Variants in LRRC9 observed in about 807,000 individuals in gnomAD.
LRRC9 encodes the protein leucine-rich repeat-containing protein 9.
In LRRC9, 122 loss-of-function variants were observed where a neutral mutation model predicts 63.2. The ratio of observed to expected loss-of-function variants is 1.93; its 90% confidence interval spans 1.67 to 2.24. LRRC9 has a LOEUF of 2.24. Ranked by LOEUF, LRRC9 falls within the 30% of genes most tolerant of loss-of-function variation. LRRC9 has a pLI of 0.00. For synonymous variants in LRRC9, 366 were observed against 213.1 expected, an observed-to-expected ratio of 1.72 and a Z score of -6.25; for missense variants, 1,071 against 627.7, an observed-to-expected ratio of 1.71 and a Z score of -7.55.
rs377635438 is a variant in LRRC9 at position 59,939,042 on chromosome 14, T to C, written c.726+470T>C. On this transcript the variant is annotated intron_variant, in intron 7 of 31. Transcript: ENST00000445360. ...ATATATATACATATATACACATATA[T>C]ACATATATACACATATATATACGTA... Among the ~76,000 whole-genome samples, 124 of 147,736 alleles carry C rather than the reference T, an allele frequency of 8.4e-4. No individual in the cohort carries two copies. The East Asian group carries it at 0.013, about 16-fold the overall frequency.
chr14:59,997,240 AT>A (rs1427737017), intron 17 of LRRC9, among the ~76,000 whole-genome samples: 2 of 152,108 alleles, frequency 1.3e-5, no homozygotes, highest in Non-Finnish European at 2.9e-5. Flanking sequence ...TAAAAAGAAA[AT>A]TATTAGTATT....
chr14:59,922,533 A>T lies in LRRC9; in HGVS notation c.-34+2650A>T, dbSNP rs1002445491. Reference sequence around the variant, plus strand: ...AATTTGGCAATAAATGAAAGAGGAAAATTTGACAGCAGTATTCTGAAAGAG... The same window carrying T: ...AATTTGGCAATAAATGAAAGAGGAATATTTGACAGCAGTATTCTGAAAGAG... On this transcript the variant is annotated intron_variant, in intron 1 of 31. Coordinates refer to ENST00000445360, the Ensembl canonical transcript of LRRC9. This position sits in a 1 kb window ranked among gnomAD's most constrained non-coding sequence, Gnocchi z 5.3. Among the ~76,000 whole-genome samples, 3 of 152,206 alleles carry T rather than the reference A, an allele frequency of 2.0e-5. No individual in the cohort carries two copies. The highest frequency in any genetic ancestry group is 4.4e-5 in the Non-Finnish European group (3 of 68,032).
At chr14:59,931,374 C>A (rs1889689274) in intron 4 of LRRC9, among the ~76,000 whole-genome samples, 1 of 151,992 alleles carries the variant, frequency 6.6e-6, no homozygotes. Context: ...GTGATGTATT[C>A]TTTTTCCTCC....
At chr14:60,018,754 T>G (rs1890892574) in intron 25 of LRRC9, among the ~76,000 whole-genome samples, 1 of 151,956 alleles carries the variant, frequency 6.6e-6, no homozygotes, top group Non-Finnish European at 1.5e-5. Context: ...AGCTTCAAGG[T>G]TCTTTAAACG....
chr14:59,946,739 G>A (rs1391435329), intron 8 of LRRC9, among the ~76,000 whole-genome samples: 3 of 146,710 alleles, frequency 2.0e-5, no homozygotes, highest in Non-Finnish European at 4.5e-5. Context: ...TCCCACCTAT[G>A]AGTGAGAATA....
rs138700919 is a variant in LRRC9 at position 60,026,337 on chromosome 14, G to T, written c.3704-1547G>T. On this transcript the variant is annotated intron_variant, in intron 27 of 31. Coordinates refer to ENST00000445360, the Ensembl canonical transcript of LRRC9. ...ACTGGGGTGAGATGATATCTCATTT[G>T]TATTTCCCTTATGATTAGTAATGCT... Among the ~76,000 whole-genome samples the T allele has an allele frequency of 5.2e-3, 798 of 152,142 alleles. 6 individuals are homozygous for T. Among genetic ancestry groups the T allele is most frequent in the African/African-American group, 0.018 (761 of 41,534 alleles).
intron 17 of LRRC9, among the ~76,000 whole-genome samples, chr14:59,987,538 G>A (rs541414796): frequency 2.7e-5 from 4 of 150,260 alleles, no homozygotes; most frequent in African/African-American, 9.7e-5. Context: ...TGAGCCATTC[G>A]ACCCAAAGAG....
intron 17 of LRRC9, among the ~76,000 whole-genome samples, chr14:59,994,564 A>G (rs1278230075): frequency 6.6e-6 from 1 of 152,214 alleles, no homozygotes; most frequent in East Asian, 1.9e-4. Flanking sequence ...ATGCACACAT[A>G]TGTTTATTGC....
At chr14:60,056,310 T>C (rs893237133) in intron 30 of LRRC9, among the ~76,000 whole-genome samples, 4 of 152,146 alleles carry the variant, frequency 2.6e-5, no homozygotes, top group Non-Finnish European at 5.9e-5. Context: ...ATAAATTCTG[T>C]TTTAAGGTAA....
chr14:60,021,421 T>C (rs1047429221), intron 26 of LRRC9, among the ~76,000 whole-genome samples: 1 of 151,866 alleles, frequency 6.6e-6, no homozygotes, highest in African/African-American at 2.4e-5. Context: ...TTTACAGATA[T>C]TGTCTCTCAA....
At position 59,927,446 on chromosome 14, in the gene LRRC9, C is replaced by T. The variant is rs570656170; in HGVS notation, c.-33-465C>T. 1.3e-5 allele frequency among the ~76,000 whole-genome samples: 2 copies of T among 151,992 alleles called. No homozygotes were observed. The highest frequency in any genetic ancestry group is 2.1e-4 in the South Asian group (1 of 4,810). On this transcript the variant is annotated intron_variant, in intron 1 of 31. Transcript: ENST00000445360. This position sits in a 1 kb window ranked among gnomAD's most constrained non-coding sequence, Gnocchi z 4.4. ...TACTATGCCAAAAATGTTGCTAAGC[C>T]CTAAGGATTCTTCTCTTTGCAGTCT...
In LRRC9 at chr14:59,961,052, C is replaced by T. The variant is rs553885938; in HGVS notation, c.1211+7C>T. On this transcript the variant is annotated splice_region_variant and intron_variant, in intron 10 of 31. Coordinates refer to ENST00000445360, the Ensembl canonical transcript of LRRC9. The stretch of plus-strand genomic sequence containing the variant: ...GCACTCGATCTGATGACTGGTAAAT[C>T]TGTTAGAAATTTAGTATAGCTTTAA... 3 of 643,026 alleles carry T rather than the reference C, an allele frequency of 4.7e-6. No homozygotes were observed. Among genetic ancestry groups the T allele is most frequent in the Admixed American group, 4.9e-5 (2 of 41,110 alleles). The allele number at this position is 643,026 out of a possible 1,614,324, so 39.8% of individuals were successfully genotyped here. A position where few individuals can be genotyped will look rare whatever the true frequency, so the allele number is the denominator to read the frequency against.
Position 59,942,056 on chromosome 14 carries a change from A to T in LRRC9, c.727-2533A>T, listed in dbSNP as rs1217795186. Among the ~76,000 whole-genome samples the T allele has an allele frequency of 6.6e-6, 1 of 152,140 alleles. No individual in the cohort carries two copies. The highest frequency in any genetic ancestry group is 1.5e-5 in the Non-Finnish European group (1 of 68,012). ...TTAGTTCTCATACGTGAGTGATAACATGCAGTCTTTATTTTTCTGTGCTTG... is the reference window on the plus strand; with the variant it reads ...TTAGTTCTCATACGTGAGTGATAACTTGCAGTCTTTATTTTTCTGTGCTTG... On this transcript the variant is annotated intron_variant, in intron 7 of 31. Coordinates refer to ENST00000445360, the Ensembl canonical transcript of LRRC9. The surrounding 1 kb of genome is among the most constrained non-coding windows in gnomAD (Gnocchi z 5.3).
Position 59,990,253 on chromosome 14 carries a change from G to T in LRRC9, c.2211+5029G>T, listed in dbSNP as rs219353. Among the ~76,000 whole-genome samples the T allele has an allele frequency of 0.84, 128,167 of 152,068 alleles. 54,571 individuals are homozygous for T. Among genetic ancestry groups the T allele is most frequent in the Non-Finnish European group, 0.9 (61,154 of 68,004 alleles). On this transcript the variant is annotated intron_variant, in intron 17 of 31. Coordinates refer to ENST00000445360, the Ensembl canonical transcript of LRRC9. The surrounding 1 kb of genome is among the most constrained non-coding windows in gnomAD (Gnocchi z 4.2). ...AGATCTTCTTTTTTATTCACCTCTC[G>T]TGTCCTTATCCTGTTTCATTTTGAG...
intron 29 of LRRC9, among the ~76,000 whole-genome samples, chr14:60,045,594 G>C (rs1049305249): frequency 3.9e-5 from 6 of 152,106 alleles, no homozygotes; most frequent in Admixed American, 1.3e-4. Flanking sequence ...TCCCTGCAAA[G>C]GACATGATCT....
At chr14:59,996,784 A>T (rs745900179) in intron 17 of LRRC9, among the ~76,000 whole-genome samples, 2 of 152,190 alleles carry the variant, frequency 1.3e-5, no homozygotes, top group Non-Finnish European at 2.9e-5. Context: ...CGAGAGTCTT[A>T]ACAATACAGA....
At position 59,986,859 on chromosome 14, in the gene LRRC9, T is replaced by C. The variant is rs1311018039; in HGVS notation, c.2211+1635T>C. ...AGATAAGGGAACTGGGTAAGTTTTA[T>C]GCCAAAGTGGTATTTTCAAATTTTA... On this transcript the variant is annotated intron_variant, in intron 17 of 31. Coordinates refer to ENST00000445360, the Ensembl canonical transcript of LRRC9. The surrounding 1 kb of genome is among the most constrained non-coding windows in gnomAD (Gnocchi z 4.7). Among the ~76,000 whole-genome samples the C allele has an allele frequency of 1.3e-5, 2 of 152,160 alleles. No individual in the cohort carries two copies. The highest frequency in any genetic ancestry group is 2.9e-5 in the Non-Finnish European group (2 of 68,018).
At chr14:60,055,743 A>C (rs76975676) in intron 30 of LRRC9, among the ~76,000 whole-genome samples, 2 of 149,614 alleles carry the variant, frequency 1.3e-5, no homozygotes, top group Admixed American at 6.6e-5. Flanking sequence ...AAAAAAAAAA[A>C]AAACAAAAAA....
At chr14:60,040,766 G>T (rs1201174943) in intron 29 of LRRC9, among the ~76,000 whole-genome samples, 9 of 151,816 alleles carry the variant, frequency 5.9e-5, no homozygotes, top group Non-Finnish European at 8.8e-5. Flanking sequence ...TATATTTAAG[G>T]TTAATATTGT....
Sources: gnomAD v4.1 joint callset for allele counts (sites outside exome capture counted in the v4.1 genomes callset) on GRCh38, gnomAD v4.1.1 for gene constraint, Gnocchi (gnomAD v3.1) non-coding constraint, MANE v1.5 for transcripts, NCBI Gene and HGNC (gene_info 2026-07-23, HGNC 2026-07-21) for gene names.